Variants in ACOXL observed in about 807,000 individuals in gnomAD.
The protein encoded by ACOXL is acyl-coenzyme A oxidase-like protein.
A neutral mutation model predicts 71.9 loss-of-function variants in ACOXL; 70 were observed. That is an observed-to-expected ratio of 0.97 (90% CI 0.80 to 1.19). The LOEUF (loss-of-function observed/expected upper bound fraction) is 1.19. Ranked by LOEUF, ACOXL falls within the 50% of genes most tolerant of loss-of-function variation. ACOXL has a pLI of 0.00. For synonymous variants in ACOXL, 253 were observed against 281.6 expected (o/e 0.90, Z 1.02); for missense variants, 703 against 736.3 (o/e 0.95, Z 0.52).
intron 12 of ACOXL, among the ~76,000 whole-genome samples, chr2:110,962,816 C>T (rs1230278260): frequency 6.6e-6 from 1 of 152,234 alleles, no homozygotes; most frequent in Non-Finnish European, 1.5e-5. Flanking sequence ...GGACAGTCAG[C>T]TCTGACGTGA....
At chr2:111,093,621 A>T (rs67248863) in intron 17 of ACOXL, 269,139 of 1,386,672 alleles carry the variant, frequency 0.19, 27,019 homozygotes, top group South Asian at 0.24. Flanking sequence ...TCCCAGCACT[A>T]TGGGAGGCTG....
chr2:110,740,671 A>T (rs1677415010), intron 1 of ACOXL, among the ~76,000 whole-genome samples: 1 of 152,190 alleles, frequency 6.6e-6, no homozygotes, highest in African/African-American at 2.4e-5. Flanking sequence ...CATTTATTGG[A>T]TGTAGGGTCC....
intron 17 of ACOXL, among the ~76,000 whole-genome samples, chr2:111,114,478 G>A (rs1428800207): frequency 6.6e-6 from 1 of 152,190 alleles, no homozygotes; most frequent in South Asian, 2.1e-4. Flanking sequence ...GTAGCCAGAC[G>A]AAAGGGGCTA....
At chr2:110,878,100 CT>C (rs1432209209) in intron 10 of ACOXL, among the ~76,000 whole-genome samples, 5 of 152,264 alleles carry the variant, frequency 3.3e-5, no homozygotes, top group Admixed American at 3.3e-4. Context: ...AATCACAGGC[CT>C]TTCCTGAGTC....
intron 14 of ACOXL, among the ~76,000 whole-genome samples, chr2:111,012,202 C>T (rs1305561936): frequency 6.6e-6 from 1 of 152,138 alleles, no homozygotes; most frequent in Non-Finnish European, 1.5e-5. Context: ...GTTAAACTGG[C>T]CTCTTGGTGC....
chr2:110,931,158 T>C (rs1281088225), intron 11 of ACOXL, among the ~76,000 whole-genome samples: 1 of 152,208 alleles, frequency 6.6e-6, no homozygotes, highest in Non-Finnish European at 1.5e-5. Flanking sequence ...CCTCCTGTAC[T>C]CTAAAACACA....
chr2:110,960,819 T>G (rs1275045856), intron 12 of ACOXL, among the ~76,000 whole-genome samples: 4 of 152,176 alleles, frequency 2.6e-5, no homozygotes, highest in African/African-American at 9.7e-5. Context: ...ATCATTTGTC[T>G]CCAAAGAATT....
At chr2:110,944,212 A>G (rs2061008317) in intron 12 of ACOXL, among the ~76,000 whole-genome samples, 1 of 151,936 alleles carries the variant, frequency 6.6e-6, no homozygotes, top group Non-Finnish European at 1.5e-5. Context: ...GTACCACCAC[A>G]CCCAGCTAAT....
intron 10 of ACOXL, chr2:110,887,949 G>T (rs1031248608): frequency 6.6e-6 from 1 of 152,156 alleles, no homozygotes; most frequent in Non-Finnish European, 1.5e-5. Flanking sequence ...AATTCCCAAC[G>T]TTTATTTGAA....
At chr2:110,990,303 G>A (rs1056330055) in intron 13 of ACOXL, among the ~76,000 whole-genome samples, 1 of 151,796 alleles carries the variant, frequency 6.6e-6, no homozygotes, top group South Asian at 2.1e-4. Context: ...TAATTTTGTT[G>A]TTAAAAGAAT....
chr2:111,070,550 T>G lies in ACOXL; in HGVS notation c.1440+21262T>G, dbSNP rs1167286946. Among the ~76,000 whole-genome samples, 7 of 152,244 alleles carry G rather than the reference T, an allele frequency of 4.6e-5. No individual in the cohort carries two copies. In the East Asian group the frequency reaches 7.7e-4, roughly 17 times the overall value. Reference sequence around the variant, plus strand: ...ACAGAATAACTACTGGATACTAAGCTTAGTACCTGGGTGATGAAATAATCT... The same window carrying G: ...ACAGAATAACTACTGGATACTAAGCGTAGTACCTGGGTGATGAAATAATCT... On this transcript the variant is annotated intron_variant, in intron 16 of 17. Coordinates refer to ENST00000439055, the MANE Select transcript of ACOXL (RefSeq NM_001142807.4).
At chr2:111,101,014 G>A (rs1192932615) in intron 17 of ACOXL, 1 of 152,666 alleles carries the variant, frequency 6.6e-6, no homozygotes, top group East Asian at 1.9e-4. Context: ...TGATTGATGA[G>A]TCATTCAAGT....
At chr2:110,806,091 C>T (rs933928259) in intron 9 of ACOXL, among the ~76,000 whole-genome samples, 1 of 152,248 alleles carries the variant, frequency 6.6e-6, no homozygotes, top group Non-Finnish European at 1.5e-5. Context: ...TCCAGCTTTT[C>T]CATGAAGAAG....
chr2:111,014,756 T>A (rs950931289), intron 14 of ACOXL, among the ~76,000 whole-genome samples: 2 of 152,228 alleles, frequency 1.3e-5, no homozygotes, highest in East Asian at 3.8e-4. Flanking sequence ...ACAGACATGG[T>A]ACTGGCATCA....
chr2:110,919,088 A>G (rs1262804817), intron 11 of ACOXL, among the ~76,000 whole-genome samples: 1 of 124,858 alleles, frequency 8.0e-6, no homozygotes, highest in East Asian at 2.5e-4. Flanking sequence ...ATTCTACTAT[A>G]AAGACACATG....
chr2:111,106,145 G>A (rs1362838537), intron 17 of ACOXL, among the ~76,000 whole-genome samples: 1 of 151,880 alleles, frequency 6.6e-6, no homozygotes, highest in Non-Finnish European at 1.5e-5. Flanking sequence ...ATGACACTTA[G>A]GTTAAATCAT....
At chr2:111,040,734 A>G (rs1224628664) in intron 15 of ACOXL, among the ~76,000 whole-genome samples, 1 of 152,224 alleles carries the variant, frequency 6.6e-6, no homozygotes, top group East Asian at 1.9e-4. Flanking sequence ...GCTATCTGGA[A>G]GGTGGAAAGG....
At chr2:110,910,749 C>G (rs893724337) in intron 11 of ACOXL, among the ~76,000 whole-genome samples, 11 of 152,114 alleles carry the variant, frequency 7.2e-5, no homozygotes, top group African/African-American at 2.7e-4. Flanking sequence ...TATATCTTCT[C>G]TGTGAAAGAT....
At chr2:110,751,515 C>T (rs1678961824) in intron 1 of ACOXL, among the ~76,000 whole-genome samples, 1 of 152,010 alleles carries the variant, frequency 6.6e-6, no homozygotes, top group Non-Finnish European at 1.5e-5. Flanking sequence ...TATTCTTCCC[C>T]CTAAATAACT....
Sources: gnomAD v4.1 joint callset for allele counts (sites outside exome capture counted in the v4.1 genomes callset) on GRCh38, gnomAD v4.1.1 for gene constraint, MANE v1.5 for transcripts, NCBI Gene and HGNC (gene_info 2026-07-23, HGNC 2026-07-21) for gene names.